SLC26A11: variants seen among roughly 807,000 people sequenced by gnomAD.
The protein encoded by SLC26A11 is sodium-independent sulfate anion transporter.
In SLC26A11, 58 loss-of-function variants were observed where a neutral mutation model predicts 62.2. The ratio of observed to expected loss-of-function variants is 0.93; its 90% CI spans 0.76 to 1.16. SLC26A11 has a LOEUF of 1.16. SLC26A11 is among the 50% of genes most tolerant of loss of function. The pLI is 0.00. For synonymous variants in SLC26A11, 411 were observed against 368.9 expected, an observed-to-expected ratio of 1.11 and a Z score of -1.31; for missense variants, 790 against 794.3, an observed-to-expected ratio of 0.99 and a Z score of 0.06.
chr17:80,224,771 G>A (rs2042358902), intron 5 of SLC26A11, among the ~76,000 whole-genome samples: 3 of 152,254 alleles, frequency 2.0e-5, no homozygotes, highest in East Asian at 1.9e-4. Flanking sequence ...GGAGAGCGGA[G>A]AGTGGAGAGT....
At chr17:80,224,268 TGTGA>T (rs778411795) in intron 5 of SLC26A11, among the ~76,000 whole-genome samples, 56 of 128,544 alleles carry the variant, frequency 4.4e-4, no homozygotes, top group East Asian at 7.0e-4. Flanking sequence ...TGTGTGCGTG[TGTGA>T]GTGAGTGCGT....
In SLC26A11 at chr17:80,222,060, G is replaced by C. The variant is rs1567939994; in HGVS notation, c.234+266G>C. 5 of 443,848 alleles carry C rather than the reference G, an allele frequency of 1.1e-5. No homozygotes were observed. Among genetic ancestry groups the C allele is most frequent in the Non-Finnish European group, 4.0e-6 (1 of 253,036 alleles). 27.5% of individuals were successfully genotyped at this position (443,848 alleles called of 1,614,324 possible). The stretch of plus-strand genomic sequence containing the variant: ...GTTCAAGACCAGCCCGACCAAAATG[G>C]TGAAACCCCGTCTCCACTAAAAATA... On this transcript the variant is annotated intron_variant, in intron 3 of 17. Transcript: ENST00000361193. This position sits in a 1 kb window ranked among gnomAD's most constrained non-coding sequence, Gnocchi z 4.7.
At chr17:80,224,970 G>C (rs1243123979) in intron 5 of SLC26A11, among the ~76,000 whole-genome samples, 7 of 151,992 alleles carry the variant, frequency 4.6e-5, no homozygotes. Flanking sequence ...TTTTAGGGCA[G>C]GGTCCTTGAG....
At position 80,248,599 on chromosome 17, in the gene SLC26A11, C is replaced by T. The variant is rs1276838710; in HGVS notation, c.1447C>T (p.Leu483=). ...GGTGTCAGAGGGGCCGGTTCTGGTC[C>T]TGCAGCCGGCCAGCGGCCTGTCCTT... is the stretch of plus-strand genomic sequence containing the variant. ...TKVSEGPVLV[L]QPASGLSFPA... is the part of the protein sequence containing the mutation. The change falls in exon 15 of 18, where the codon CTG becomes TTG. Residue 483 remains leucine, a synonymous_variant. Coordinates refer to ENST00000361193, the MANE Select transcript of SLC26A11 (RefSeq NM_001166347.2). 4.4e-6 allele frequency: 7 copies of T among 1,588,002 alleles called. No homozygotes were observed. In the South Asian group the frequency reaches 5.8e-5, roughly 13 times the overall value.
At position 80,237,089 on chromosome 17, in the gene SLC26A11, A is replaced by C; in HGVS notation, c.898A>C (p.Thr300Pro). 1 of 1,612,158 alleles carries C rather than the reference A, an allele frequency of 6.2e-7. No homozygotes were observed. Among genetic ancestry groups the C allele is most frequent in the Non-Finnish European group, 8.5e-7 (1 of 1,178,870 alleles). Residue 300 changes from threonine (T) to proline (P), a missense_variant, in exon 8 of 18, where the codon ACC (threonine) becomes CCC (proline). Thr to Pro is a conservative substitution (Grantham distance 38, BLOSUM62 -1). Coordinates refer to ENST00000361193, the MANE Select transcript of SLC26A11 (RefSeq NM_001166347.2). ...VTTANGTISFTEMVQDMGAGL... is the reference protein window; with the variant it reads ...VTTANGTISFPEMVQDMGAGL... Reference sequence around the variant, plus strand: ...CACAGCCAACGGGACGATCTCCTTCACCGAGATGGTGCAGGTGGGCGGAGC... The same window carrying C: ...CACAGCCAACGGGACGATCTCCTTCCCCGAGATGGTGCAGGTGGGCGGAGC...
chr17:80,228,005 T>C lies in SLC26A11; in HGVS notation c.736+45T>C. The C allele has an allele frequency of 6.4e-7, 1 of 1,551,464 alleles. No homozygotes were observed. The highest frequency in any genetic ancestry group is 1.1e-5 in the South Asian group (1 of 87,768). Reference sequence around the variant, plus strand: ...CATCTTATGCAACCTTGGCTGCAGGTTGGGGTCACTTGGGGAGTCCTAGTC... The same window carrying C: ...CATCTTATGCAACCTTGGCTGCAGGCTGGGGTCACTTGGGGAGTCCTAGTC... On this transcript the variant is annotated intron_variant, in intron 7 of 17. Coordinates refer to ENST00000361193, the MANE Select transcript of SLC26A11 (RefSeq NM_001166347.2). The surrounding 1 kb of genome is among the most constrained non-coding windows in gnomAD (Gnocchi z 4.1).
At chr17:80,236,688 A>C in intron 7 of SLC26A11, 1 of 470,148 alleles carries the variant, frequency 2.1e-6, no homozygotes, top group Non-Finnish European at 3.8e-6. Flanking sequence ...AGTCACCTGG[A>C]GCTTGGCAGC....
intron 9 of SLC26A11, among the ~76,000 whole-genome samples, chr17:80,238,811 GTTTTTTTTGTTTTTTGT>G (rs1382233242): frequency 2.4e-5 from 3 of 123,226 alleles, no homozygotes; most frequent in African/African-American, 1.0e-4. Context: ...CTTCAAAGGA[GTTTTTTTTGTTTTTTGT>G]TTTTTTTTTT....
At position 80,246,106 on chromosome 17, in the gene SLC26A11, C is replaced by T. The variant is rs1354769927; in HGVS notation, c.1098-48C>T. The T allele has an allele frequency of 6.2e-7, 1 of 1,608,732 alleles. No homozygotes were observed. Among genetic ancestry groups the T allele is most frequent in the Non-Finnish European group, 8.5e-7 (1 of 1,176,108 alleles). On this transcript the variant is annotated intron_variant, in intron 11 of 17. Transcript: ENST00000361193. This position sits in a 1 kb window ranked among gnomAD's most constrained non-coding sequence, Gnocchi z 4.4. ...GCCACAGGAGTGTGGACTGAGGTCTCCCTTTTCCCGGCCCCTGGTGACTGA... is the reference window on the plus strand; with the variant it reads ...GCCACAGGAGTGTGGACTGAGGTCTTCCTTTTCCCGGCCCCTGGTGACTGA...
intron 9 of SLC26A11, among the ~76,000 whole-genome samples, chr17:80,237,887 G>C (rs1567957859): frequency 6.6e-6 from 1 of 152,226 alleles, no homozygotes; most frequent in Non-Finnish European, 1.5e-5. Flanking sequence ...CGGTGTAAAC[G>C]CTGCTGTCTG....
chr17:80,238,378 T>G (rs2042756588), intron 9 of SLC26A11, among the ~76,000 whole-genome samples: 1 of 152,146 alleles, frequency 6.6e-6, no homozygotes, highest in African/African-American at 2.4e-5. Context: ...AGTTTTAATT[T>G]AATTGGTAAT....
Position 80,225,835 on chromosome 17 carries a change from A to G in SLC26A11, c.514-2A>G. 2 of 1,613,830 alleles carry G rather than the reference A, an allele frequency of 1.2e-6. No individual in the cohort carries two copies. The highest frequency in any genetic ancestry group is 1.7e-6 in the Non-Finnish European group (2 of 1,179,754). ...CTGATCAGCATCTCTGTGTTTGGAC[A>G]GAACCTGCTGGGACTACAGAACATC... On this transcript the variant is annotated splice_acceptor_variant, in intron 5 of 17. Coordinates refer to ENST00000361193, the MANE Select transcript of SLC26A11 (RefSeq NM_001166347.2). LOFTEE classifies it high-confidence loss of function.
chr17:80,226,632 C>G (rs945105950), intron 6 of SLC26A11, among the ~76,000 whole-genome samples: 6 of 152,156 alleles, frequency 3.9e-5, no homozygotes, highest in Non-Finnish European at 8.8e-5. Flanking sequence ...ACCTGTGAGG[C>G]GGAGGTTGCA....
rs1446574183 is a variant in SLC26A11, at chr17:80,246,862, C to T, written c.1294+213C>T. Among the ~76,000 whole-genome samples the T allele has an allele frequency of 6.6e-6, 1 of 152,100 alleles. No homozygotes were observed. The highest frequency in any genetic ancestry group is 1.9e-4 in the East Asian group (1 of 5,168). On this transcript the variant is annotated intron_variant, in intron 13 of 17. Coordinates refer to ENST00000361193, the MANE Select transcript of SLC26A11 (RefSeq NM_001166347.2). The surrounding 1 kb of genome is among the most constrained non-coding windows in gnomAD (Gnocchi z 4.4). ...AGAGCTGGAGCTCCTTGTCCTGACA[C>T]CTGGGGTCTTGAGGCGAGCACTGAC...
Position 80,222,648 on chromosome 17 carries a change from C to G in SLC26A11, c.235-7C>G. 1.2e-6 allele frequency: 2 copies of G among 1,612,928 alleles called. No homozygotes were observed. The highest frequency in any genetic ancestry group is 1.7e-6 in the Non-Finnish European group (2 of 1,179,224). On this transcript the variant is annotated splice_polypyrimidine_tract_variant and splice_region_variant and intron_variant, in intron 3 of 17. Transcript: ENST00000361193. The surrounding 1 kb of genome is among the most constrained non-coding windows in gnomAD (Gnocchi z 4.7). ...TCCTGAGTGCTCACCACCCTCTCTCCCCACAGTATGGCCTCTACTCTGCCT... is the reference window on the plus strand; with the variant it reads ...TCCTGAGTGCTCACCACCCTCTCTCGCCACAGTATGGCCTCTACTCTGCCT...
chr17:80,225,815 C>T (rs1398574944), intron 5 of SLC26A11, 22 bp from the exon 6 acceptor site: 1 of 1,610,186 alleles, frequency 6.2e-7, no homozygotes, highest in East Asian at 2.2e-5. Flanking sequence ...AGCCTCTGAT[C>T]AGCATCTCTG....
At chr17:80,240,365 TC>T (rs1259817753) in intron 9 of SLC26A11, among the ~76,000 whole-genome samples, 1 of 150,950 alleles carries the variant, frequency 6.6e-6, no homozygotes, top group African/African-American at 2.4e-5. Flanking sequence ...AGACTCCGTC[TC>T]AAAAAAAAAA....
intron 11 of SLC26A11, chr17:80,245,461 A>G (rs2042970270): frequency 1.7e-6 from 1 of 575,178 alleles, no homozygotes; most frequent in African/African-American, 1.9e-5. Context: ...GTTTCATACT[A>G]GAAAGTTCCA....
intron 14 of SLC26A11, 109 bp from the exon 15 acceptor site, chr17:80,248,466 G>A (rs369434631): frequency 1.4e-4 from 188 of 1,315,626 alleles, no homozygotes; most frequent in East Asian, 1.1e-3. Context: ...CCCCTCTCCC[G>A]GTCCCCTGCA....
Sources: allele counts gnomAD v4.1 joint callset (sites outside exome capture counted in the v4.1 genomes callset), GRCh38; gene constraint gnomAD v4.1.1; non-coding constraint Gnocchi (gnomAD v3.1); transcripts MANE v1.5; gene names NCBI Gene and HGNC (gene_info 2026-07-23, HGNC 2026-07-21).